The following CCDC28A variants were observed in gnomAD, a reference collection of about 807,000 sequenced individuals.
CCDC28A encodes the protein coiled-coil domain containing 28A, also known as coiled-coil domain-containing protein 28A.
In CCDC28A, 24 loss-of-function variants were observed where a neutral mutation model predicts 22.1. That is an observed-to-expected ratio of 1.09 (90% CI 0.79 to 1.53). CCDC28A has a LOEUF of 1.53. CCDC28A is among the 40% of genes most tolerant of loss of function. The pLI, the probability that CCDC28A is intolerant of heterozygous loss-of-function variation, is 0.00. For synonymous variants in CCDC28A, 83 were observed against 74.7 expected, an observed-to-expected ratio of 1.11 and a Z score of -0.57; for missense variants, 170 against 210.7, an observed-to-expected ratio of 0.81 and a Z score of 1.20.
chr6:138,790,512 G>C (rs532972573), intron 5 of CCDC28A, among the ~76,000 whole-genome samples: 90 of 152,218 alleles, frequency 5.9e-4, no homozygotes, highest in African/African-American at 2.2e-3. Context: ...ACCACTTTCT[G>C]TGACTTAACC....
At chr6:138,775,227 G>A (rs1428223647) in intron 1 of CCDC28A, among the ~76,000 whole-genome samples, 3 of 152,176 alleles carry the variant, frequency 2.0e-5, no homozygotes, top group African/African-American at 7.2e-5. Flanking sequence ...GCGTGAGCCC[G>A]GCCGGAAGGG....
At chr6:138,774,443 C>T (rs907513096) in intron 1 of CCDC28A, among the ~76,000 whole-genome samples, 1 of 152,182 alleles carries the variant, frequency 6.6e-6, no homozygotes, top group Admixed American at 6.5e-5. Flanking sequence ...ATTTGTGTTG[C>T]ATGTTGAAAC....
intron 5 of CCDC28A, 83 bp downstream of exon 5, chr6:138,788,471 G>C: frequency 1.6e-6 from 1 of 622,140 alleles, no homozygotes; most frequent in East Asian, 3.1e-5. Context: ...TTAGAAAGAT[G>C]TGTTATTTAG....
chr6:138,785,139 T>C, intron 3 of CCDC28A, 88 bp from the exon 4 acceptor site: 7 of 744,930 alleles, frequency 9.4e-6, no homozygotes, highest in Non-Finnish European at 1.5e-5. Flanking sequence ...CCTGTTTCTT[T>C]TAGAGCACCT....
rs188396057 is a variant in CCDC28A at position 138,791,494 on chromosome 6, T to A, written c.501-1255T>A. ...CATTTCTATTTTTTACCATTTTTTTTAAACCATGTCAACTATTTTAAAGGT... is the reference window on the plus strand; with the variant it reads ...CATTTCTATTTTTTACCATTTTTTTAAAACCATGTCAACTATTTTAAAGGT... On this transcript the variant is annotated intron_variant, in intron 5 of 5. Coordinates refer to ENST00000617445, the MANE Select transcript of CCDC28A (RefSeq NM_015439.3). Among the ~76,000 whole-genome samples, 1,109 of 152,336 alleles carry A rather than the reference T, an allele frequency of 7.3e-3. 11 individuals carry two copies. Among genetic ancestry groups the A allele is most frequent in the African/African-American group, 0.026 (1,069 of 41,568 alleles).
chr6:138,776,386 T>C (rs542421367), intron 2 of CCDC28A, 108 bp downstream of exon 2: 11 of 859,562 alleles, frequency 1.3e-5, no homozygotes, highest in Non-Finnish European at 2.1e-5. Context: ...TTAAAACAGT[T>C]GAGGCACCCA....
At chr6:138,789,053 C>T (rs372982996) in intron 5 of CCDC28A, among the ~76,000 whole-genome samples, 16 of 152,198 alleles carry the variant, frequency 1.1e-4, no homozygotes, top group African/African-American at 2.9e-4. Context: ...TGTGAAATGA[C>T]ATTTCACAAT....
Position 138,784,983 on chromosome 6 carries a change from C to T in CCDC28A, c.323-244C>T, listed in dbSNP as rs563793213. ...CTGGGATTACAGGCGTGAGCCACCA[C>T]GCCTGGCCTGAAATATTTCCCATAT... On this transcript the variant is annotated intron_variant, in intron 3 of 5. Transcript: ENST00000617445. Among the ~76,000 whole-genome samples, 419 of 152,290 alleles carry T rather than the reference C, an allele frequency of 2.8e-3. 1 individual carries two copies. Among genetic ancestry groups the T allele is most frequent in the African/African-American group, 9.7e-3 (402 of 41,568 alleles).
At chr6:138,775,643 T>G (rs1774919965) in intron 1 of CCDC28A, among the ~76,000 whole-genome samples, 1 of 152,194 alleles carries the variant, frequency 6.6e-6, no homozygotes, top group African/African-American at 2.4e-5. Flanking sequence ...AAGCATACAT[T>G]TTGGAAGAAA....
chr6:138,777,696 G>A (rs1044414774), intron 2 of CCDC28A, among the ~76,000 whole-genome samples: 2 of 152,288 alleles, frequency 1.3e-5, no homozygotes, highest in East Asian at 3.9e-4. Context: ...TAAAGTGAGA[G>A]TGTGACATAA....
chr6:138,780,699 C>G (rs1159299526), intron 3 of CCDC28A, among the ~76,000 whole-genome samples: 1 of 151,802 alleles, frequency 6.6e-6, no homozygotes, highest in Middle Eastern at 3.2e-3. Context: ...CTCAACCTCC[C>G]CAGTAGCTGA....
At chr6:138,791,246 A>G (rs1033023502) in intron 5 of CCDC28A, among the ~76,000 whole-genome samples, 1 of 145,948 alleles carries the variant, frequency 6.9e-6, no homozygotes, top group African/African-American at 2.5e-5. Flanking sequence ...ATGCCCAGCT[A>G]TTTTTTTTTT....
chr6:138,776,037 A>G (rs1040773), intron 1 of CCDC28A, 42 bp from the exon 2 acceptor site: 402,136 of 1,462,438 alleles, frequency 0.27, 64,848 homozygotes, highest in East Asian at 0.61. Flanking sequence ...TCATGTTTGC[A>G]TATTATAGCA....
intron 2 of CCDC28A, 99 bp downstream of exon 2, chr6:138,776,377 T>A: frequency 1.0e-6 from 1 of 990,214 alleles, no homozygotes; most frequent in Non-Finnish European, 1.6e-6. Flanking sequence ...GCTTGACTTT[T>A]AAAACAGTTG....
intron 5 of CCDC28A, 114 bp from the exon 6 acceptor site, chr6:138,792,635 T>A: frequency 1.4e-6 from 1 of 717,604 alleles, no homozygotes; most frequent in South Asian, 1.6e-5. Flanking sequence ...AGCTTTTCCT[T>A]TGAACATATC....
At chr6:138,781,173 CTG>C (rs1315318646) in intron 3 of CCDC28A, among the ~76,000 whole-genome samples, 1 of 152,156 alleles carries the variant, frequency 6.6e-6, no homozygotes, top group Non-Finnish European at 1.5e-5. Flanking sequence ...ACAAGATATT[CTG>C]TGTCTTGCTT....
intron 3 of CCDC28A, 92 bp downstream of exon 3, chr6:138,780,077 G>A: frequency 4.3e-6 from 4 of 938,520 alleles, no homozygotes; most frequent in Admixed American, 3.3e-5. Context: ...CAAAGTGCCA[G>A]TTTCTTTTAA....
In CCDC28A at chr6:138,776,104, A is replaced by AT; in HGVS notation, c.-16dup. The AT allele has an allele frequency of 6.2e-7, 1 of 1,614,094 alleles. No individual in the cohort carries two copies. The highest frequency in any genetic ancestry group is 8.5e-7 in the Non-Finnish European group (1 of 1,179,974). On this transcript the variant is annotated 5_prime_UTR_variant, in exon 2 of 6. Transcript: ENST00000617445. ...GTCTTAAGAAGCTGGCCGTGGTGCA[A>AT]TAAGGAACTTAAAACAATGGAAGAG... is the stretch of plus-strand genomic sequence containing the variant.
intron 5 of CCDC28A, among the ~76,000 whole-genome samples, chr6:138,790,532 A>G (rs1775157136): frequency 6.6e-6 from 1 of 152,142 alleles, no homozygotes; most frequent in African/African-American, 2.4e-5. Context: ...CTGTGGTGGA[A>G]TTTACCCACC....
Sources: allele counts gnomAD v4.1 joint callset (sites outside exome capture counted in the v4.1 genomes callset), GRCh38; gene constraint gnomAD v4.1.1; transcripts MANE v1.5; gene names NCBI Gene and HGNC (gene_info 2026-07-23, HGNC 2026-07-21).